Variants in NBEA observed in about 807,000 individuals in gnomAD.
NBEA encodes the protein neurobeachin, also known as lysosomal-trafficking regulator 2.
A neutral mutation model predicts 343.4 loss-of-function variants in NBEA; 44 were observed. That is an observed-to-expected ratio of 0.13 (90% CI 0.10 to 0.16). The LOEUF (loss-of-function observed/expected upper bound fraction) is 0.16, where lower values mean the gene tolerates loss of function less well. Ranked by LOEUF, NBEA falls within the 10% of genes least tolerant of loss-of-function variation. The probability of loss-of-function intolerance (pLI) is 1.00; values close to 1 mark genes in which losing one functional copy is unlikely to be tolerated. For synonymous variants in NBEA, 1,175 were observed against 1,238.7 expected, an observed-to-expected ratio of 0.95 and a Z score of 1.08; for missense variants, 2,555 against 3,631.3, an observed-to-expected ratio of 0.70 and a Z score of 7.62.
chr13:35,385,244 G>A (rs999696383), intron 38 of NBEA, among the ~76,000 whole-genome samples: 1 of 151,942 alleles, frequency 6.6e-6, no homozygotes, highest in Admixed American at 6.6e-5. Flanking sequence ...TATTCTATGA[G>A]GTAAAGGTTT....
In NBEA at chr13:35,550,949, C is replaced by T; in HGVS notation, c.6723C>T (p.Phe2241=). The change falls in exon 43 of 59, where the codon TTC becomes TTT. Residue 2241 remains phenylalanine, a synonymous_variant. Coordinates refer to ENST00000379939, the MANE Select transcript of NBEA (RefSeq NM_001385012.1). ...CCACAGCCTCAGTTATGTTTAATTTCCCTGATCAAGCAACAGTAAAAAAAG... is the reference window on the plus strand; with the variant it reads ...CCACAGCCTCAGTTATGTTTAATTTTCCTGATCAAGCAACAGTAAAAAAAG... ...MANRTSVMFN[F]PDQATVKKVV... is the part of the protein sequence containing the mutation. 1.2e-6 allele frequency: 2 copies of T among 1,607,372 alleles called. No homozygotes were observed. Among genetic ancestry groups the T allele is most frequent in the Non-Finnish European group, 1.7e-6 (2 of 1,175,042 alleles).
chr13:34,952,106 T>C (rs559909739), intron 1 of NBEA, among the ~76,000 whole-genome samples: 3 of 152,274 alleles, frequency 2.0e-5, no homozygotes, highest in South Asian at 4.1e-4. Context: ...AGGTACTAAG[T>C]AGCACAGCTG....
rs118124962 is a variant in NBEA at position 35,077,733 on chromosome 13, G to T, written c.1571+6881G>T. On this transcript the variant is annotated intron_variant, in intron 10 of 58. Coordinates refer to ENST00000379939, the MANE Select transcript of NBEA (RefSeq NM_001385012.1). Reference sequence around the variant, plus strand: ...CAAATCTAATTATTTCACACCAGTGGTCATTCACTGGTTTCCTGTTGCCTC... The same window carrying T: ...CAAATCTAATTATTTCACACCAGTGTTCATTCACTGGTTTCCTGTTGCCTC... 6.8e-3 allele frequency among the ~76,000 whole-genome samples: 1,033 copies of T among 152,136 alleles called. 5 individuals carry two copies. Among genetic ancestry groups the T allele is most frequent in the Middle Eastern group, 0.01 (3 of 294 alleles).
chr13:35,371,689 C>G (rs1261526942), intron 38 of NBEA, among the ~76,000 whole-genome samples: 1 of 152,050 alleles, frequency 6.6e-6, no homozygotes, highest in African/African-American at 2.4e-5. Flanking sequence ...TTCATGGTTC[C>G]TATATCCTTA....
In NBEA at chr13:34,990,152, C is replaced by T. The variant is rs374559904; in HGVS notation, c.294+47038C>T. 6.0e-5 allele frequency among the ~76,000 whole-genome samples: 9 copies of T among 150,944 alleles called. 1 individual carries two copies. Among genetic ancestry groups the T allele is most frequent in the African/African-American group, 9.7e-5 (4 of 41,344 alleles). On this transcript the variant is annotated intron_variant, in intron 1 of 58. Coordinates refer to ENST00000379939, the MANE Select transcript of NBEA (RefSeq NM_001385012.1). Reference sequence around the variant, plus strand: ...GCTTTTCTAGGCACATGGTGCAAGCCGTCAGTGGGTCTACCATTCTGAGTT... The same window carrying T: ...GCTTTTCTAGGCACATGGTGCAAGCTGTCAGTGGGTCTACCATTCTGAGTT...
At chr13:35,531,465 A>G (rs1330577408) in intron 41 of NBEA, among the ~76,000 whole-genome samples, 4 of 152,242 alleles carry the variant, frequency 2.6e-5, no homozygotes, top group African/African-American at 9.6e-5. Flanking sequence ...TACAAAATAT[A>G]ATAATGTTTG....
chr13:35,180,031 C>T (rs2071206692), intron 28 of NBEA, among the ~76,000 whole-genome samples: 1 of 151,664 alleles, frequency 6.6e-6, no homozygotes, highest in Non-Finnish European at 1.5e-5. Context: ...GTCATTTTCC[C>T]CATTAGCCAG....
chr13:35,670,965 C>G lies in NBEA; in HGVS notation c.8878C>G (p.His2960Asp). Reference sequence around the variant, plus strand: ...TTTTAATATAGATTTTAATCGGTGGCATTATGAGCATCAGAACAGATACTG... The same window carrying G: ...TTTTAATATAGATTTTAATCGGTGGGATTATGAGCATCAGAACAGATACTG... Reference protein sequence around the residue: ...VAFNIDFNRWHYEHQNRY With the variant: ...VAFNIDFNRWDYEHQNRY Residue 2960 changes from histidine (H) to aspartate (D), a missense_variant, in exon 59 of 59, where the codon CAT (histidine) becomes GAT (aspartate). Physicochemically the swap from His to Asp is moderately conservative, Grantham distance 81. This residue lies in a region of NBEA where 186 missense variants were observed against 328.9 expected (regional missense o/e 0.57). Transcript: ENST00000379939. 6.3e-7 allele frequency: 1 copy of G among 1,583,542 alleles called. No homozygotes were observed. The highest frequency in any genetic ancestry group is 1.2e-5 in the South Asian group (1 of 86,392).
chr13:35,185,413 A>C (rs984893187), intron 30 of NBEA: 1 of 152,188 alleles, frequency 6.6e-6, no homozygotes, highest in Non-Finnish European at 1.5e-5. Flanking sequence ...ATGTACAAAT[A>C]TTATTTTTTA....
At chr13:35,387,690 A>ATTTC (rs2042307825) in intron 38 of NBEA, among the ~76,000 whole-genome samples, 1 of 152,160 alleles carries the variant, frequency 6.6e-6, no homozygotes, top group Non-Finnish European at 1.5e-5. Flanking sequence ...TTAGCCTGAA[A>ATTTC]AGGTATTGAT....
Position 35,157,252 on chromosome 13 carries a change from C to G in NBEA, c.2826C>G (p.Leu942=), listed in dbSNP as rs751528429. 6 of 1,572,894 alleles carry G rather than the reference C, an allele frequency of 3.8e-6. No individual in the cohort carries two copies. Among genetic ancestry groups the G allele is most frequent in the Non-Finnish European group, 5.2e-6 (6 of 1,160,072 alleles). Residue 942 remains leucine, a synonymous_variant, in exon 21 of 59, where the codon CTC becomes CTG. Transcript: ENST00000379939. ...GCTGGAGAGTCTGGGTGGATACCCT[C>G]TCAATAGCCCATTCCAAGGTAACAC... ...WGGWRVWVDT[L]SIAHSKVTYE...
At chr13:35,535,163 A>G (rs1305497327) in intron 41 of NBEA, among the ~76,000 whole-genome samples, 1 of 152,202 alleles carries the variant, frequency 6.6e-6, no homozygotes, top group African/African-American at 2.4e-5. Flanking sequence ...TTACTGGGCT[A>G]TTTACAGTTA....
At chr13:35,464,173 A>T (rs560648146) in intron 40 of NBEA, among the ~76,000 whole-genome samples, 2 of 152,220 alleles carry the variant, frequency 1.3e-5, no homozygotes, top group African/African-American at 2.4e-5. Flanking sequence ...TGTGACCCAG[A>T]AAAAGGGTAA....
chr13:35,628,320 T>G, intron 49 of NBEA, 72 bp downstream of exon 49: 1 of 1,133,336 alleles, frequency 8.8e-7, no homozygotes, highest in Non-Finnish European at 1.2e-6. Context: ...ATTTCATCTC[T>G]TTCTGTATAA....
intron 41 of NBEA, among the ~76,000 whole-genome samples, chr13:35,546,333 C>A (rs923698580): frequency 1.3e-5 from 2 of 151,974 alleles, no homozygotes; most frequent in African/African-American, 2.4e-5. Flanking sequence ...GTTTTGGTGG[C>A]ACACGCCTGT....
At chr13:35,365,597 A>G (rs2041056437) in intron 38 of NBEA, among the ~76,000 whole-genome samples, 1 of 151,704 alleles carries the variant, frequency 6.6e-6, no homozygotes, top group Non-Finnish European at 1.5e-5. Flanking sequence ...ATGGAACATT[A>G]TTAGGCTAGT....
chr13:35,318,931 G>C (rs913610779), intron 36 of NBEA, among the ~76,000 whole-genome samples: 1 of 152,164 alleles, frequency 6.6e-6, no homozygotes, highest in African/African-American at 2.4e-5. Flanking sequence ...TCGTATTTCT[G>C]TGGGATCAGT....
intron 38 of NBEA, among the ~76,000 whole-genome samples, chr13:35,419,455 A>G (rs1451506826): frequency 4.6e-5 from 7 of 152,040 alleles, no homozygotes; most frequent in Admixed American, 2.6e-4. Context: ...TCATACCATC[A>G]CCTTGGAGGT....
At chr13:35,380,598 T>C (rs924997604) in intron 38 of NBEA, among the ~76,000 whole-genome samples, 1 of 152,206 alleles carries the variant, frequency 6.6e-6, no homozygotes, top group Non-Finnish European at 1.5e-5. Flanking sequence ...TTGAGACTGA[T>C]AAAGAATTTG....
Sources: allele counts gnomAD v4.1 joint callset (sites outside exome capture counted in the v4.1 genomes callset), GRCh38; gene constraint gnomAD v4.1.1; regional missense constraint gnomAD v4.1.1; transcripts MANE v1.5; gene names NCBI Gene and HGNC (gene_info 2026-07-23, HGNC 2026-07-21).